TRAPPC10: variants seen among roughly 807,000 people sequenced by gnomAD.
The protein encoded by TRAPPC10 is trafficking protein particle complex subunit 10.
A neutral mutation model predicts 125.5 loss-of-function variants in TRAPPC10; 23 were observed. The observed-to-expected ratio is 0.18, with a 90% CI of 0.13 to 0.26. The LOEUF (loss-of-function observed/expected upper bound fraction) is 0.26, where lower values mean the gene tolerates loss of function less well. TRAPPC10 is among the 10% of genes least tolerant of loss of function. The pLI, the probability that TRAPPC10 is intolerant of heterozygous loss-of-function variation, is 1.00. For missense variants in TRAPPC10, 1,123 were observed against 1,308.4 expected (o/e 0.86, Z 2.19); for synonymous variants, 509 against 518.0 (o/e 0.98, Z 0.24).
chr21:44,051,020 C>T (rs889525383), intron 3 of TRAPPC10, among the ~76,000 whole-genome samples: 1 of 152,222 alleles, frequency 6.6e-6, no homozygotes, highest in South Asian at 2.1e-4. Flanking sequence ...TCCCCTGCCT[C>T]AGCCTCCTGA....
chr21:44,079,861 A>AT (rs1483788826), intron 12 of TRAPPC10, 154 bp from the exon 13 acceptor site: 8 of 1,082,760 alleles, frequency 7.4e-6, no homozygotes, highest in South Asian at 4.8e-5. Context: ...TGTCTAGTCG[A>AT]TTTTTTATAA....
intron 3 of TRAPPC10, among the ~76,000 whole-genome samples, chr21:44,038,506 A>T (rs1266601574): frequency 6.6e-6 from 1 of 150,614 alleles, no homozygotes; most frequent in Non-Finnish European, 1.5e-5. Flanking sequence ...GCGCCCCGTG[A>T]CTCTCCGTGG....
rs1198185512 is a variant in TRAPPC10 at position 44,049,414 on chromosome 21, C to T, written c.286-2866C>T. Among the ~76,000 whole-genome samples the T allele has an allele frequency of 4.6e-5, 7 of 152,194 alleles. No homozygotes were observed. The East Asian group carries it at 1.3e-3, about 29-fold the overall frequency. On this transcript the variant is annotated intron_variant, in intron 3 of 22. Transcript: ENST00000291574. ...ATCCTCCTGTCACTGCTGCTCTGCT[C>T]CCAGCAGGTGGATGCCCATTCCCAC...
At position 44,013,505 on chromosome 21, in the gene TRAPPC10, CTG is replaced by C. The variant is rs1307697486; in HGVS notation, c.67+947_67+948del. The stretch of plus-strand genomic sequence containing the variant: ...TTCGTGCTTGGAAAGGAAGCACTCT[CTG>C]TTGCAAAATCTGGGTGCCCAGGCCA... On this transcript the variant is annotated intron_variant, in intron 1 of 22. Transcript: ENST00000291574. 5.3e-5 allele frequency among the ~76,000 whole-genome samples: 8 copies of C among 152,312 alleles called. 1 individual carries two copies. The highest frequency in any genetic ancestry group is 1.4e-4 in the African/African-American group (6 of 41,558).
chr21:44,082,332 C>A lies in TRAPPC10; in HGVS notation c.1724-456C>A, dbSNP rs965085008. 6.6e-6 allele frequency among the ~76,000 whole-genome samples: 1 copy of A among 152,148 alleles called. No homozygotes were observed. The highest frequency in any genetic ancestry group is 2.4e-5 in the African/African-American group (1 of 41,424). Reference sequence around the variant, plus strand: ...GGGGCACAGAGGGGTCCTGCTTAATCGGCTGACTTTGTAGACTGGCAGACA... The same window carrying A: ...GGGGCACAGAGGGGTCCTGCTTAATAGGCTGACTTTGTAGACTGGCAGACA... On this transcript the variant is annotated intron_variant, in intron 13 of 22. Coordinates refer to ENST00000291574, the MANE Select transcript of TRAPPC10 (RefSeq NM_003274.5). This position sits in a 1 kb window ranked among gnomAD's most constrained non-coding sequence, Gnocchi z 4.4.
At chr21:44,090,919 G>A (rs1033629873) in intron 18 of TRAPPC10, among the ~76,000 whole-genome samples, 1 of 152,124 alleles carries the variant, frequency 6.6e-6, no homozygotes, top group African/African-American at 2.4e-5. Context: ...TCAGCCGGGC[G>A]TGGTGGCTCA....
At chr21:44,015,111 C>T (rs1206438149) in intron 1 of TRAPPC10, among the ~76,000 whole-genome samples, 2 of 152,160 alleles carry the variant, frequency 1.3e-5, no homozygotes, top group Non-Finnish European at 2.9e-5. Context: ...TAGTAGGCAA[C>T]ATTTTTGTTT....
chr21:44,088,936 T>TC (rs1272419017), intron 17 of TRAPPC10: 3 of 136,312 alleles, frequency 2.2e-5, no homozygotes, highest in African/African-American at 1.0e-4. Context: ...ATCCCACTCT[T>TC]CTCTGGCGCT....
chr21:44,065,910 A>G (rs1042175341), intron 7 of TRAPPC10, among the ~76,000 whole-genome samples: 3 of 152,162 alleles, frequency 2.0e-5, no homozygotes, highest in African/African-American at 7.2e-5. Context: ...TGTGTCGCCC[A>G]GGCTGGTCTG....
intron 13 of TRAPPC10, among the ~76,000 whole-genome samples, chr21:44,081,510 T>C (rs951591085): frequency 6.6e-5 from 10 of 152,152 alleles, no homozygotes; most frequent in Non-Finnish European, 1.0e-4. Context: ...AACCCCATAC[T>C]GTAATCCCCA....
rs1325353569 is a variant in TRAPPC10 at position 44,087,677 on chromosome 21, T to G, written c.2540-22T>G. 1.9e-6 allele frequency: 3 copies of G among 1,606,248 alleles called. No individual in the cohort carries two copies. The highest frequency in any genetic ancestry group is 1.3e-5 in the African/African-American group (1 of 74,988). On this transcript the variant is annotated intron_variant, in intron 16 of 22. Transcript: ENST00000291574. This position sits in a 1 kb window ranked among gnomAD's most constrained non-coding sequence, Gnocchi z 4.6. The stretch of plus-strand genomic sequence containing the variant: ...TGAAACCGAGGGAACAGCTTTGAAG[T>G]GACTTTTTCTGTCCTTCGTAGAACA...
intron 7 of TRAPPC10, among the ~76,000 whole-genome samples, chr21:44,066,895 G>C (rs1426981877): frequency 3.3e-5 from 5 of 152,314 alleles, no homozygotes; most frequent in Admixed American, 2.6e-4. Context: ...AGTGATGCCT[G>C]TTTTCCTGCA....
At chr21:44,056,518 C>T (rs1337360671) in intron 5 of TRAPPC10, among the ~76,000 whole-genome samples, 1 of 152,208 alleles carries the variant, frequency 6.6e-6, no homozygotes, top group Non-Finnish European at 1.5e-5. Context: ...AAGGCCGCTT[C>T]TGCCCATGAG....
chr21:44,055,634 G>A, intron 4 of TRAPPC10, 64 bp from the exon 5 acceptor site: 1 of 1,305,996 alleles, frequency 7.7e-7, no homozygotes, highest in Non-Finnish European at 1.0e-6. Flanking sequence ...GACAATGGCA[G>A]CTGCTGAGTC....
intron 19 of TRAPPC10, among the ~76,000 whole-genome samples, chr21:44,092,837 C>G (rs2038680488): frequency 2.0e-5 from 3 of 152,116 alleles, no homozygotes; most frequent in Admixed American, 1.3e-4. Flanking sequence ...GTTCTTGTCG[C>G]CCAGGCTGGA....
chr21:44,063,565 G>A lies in TRAPPC10; in HGVS notation c.818G>A (p.Cys273Tyr), dbSNP rs773563707. Residue 273 changes from cysteine to tyrosine, a missense_variant, in exon 7 of 23, where the codon TGC (cysteine) becomes TAC (tyrosine). Transcript: ENST00000291574. The surrounding 1 kb of genome is among the most constrained non-coding windows in gnomAD (Gnocchi z 4.4). Reference protein sequence around the residue: ...GDGANWLTFFCQPVKSWNGLI... With the variant: ...GDGANWLTFFYQPVKSWNGLI... ...GGTGCCAACTGGCTGACTTTTTTCT[G>A]CCAGCCAGTGAAGAGCTGGAACGGA... 35 of 1,613,950 alleles carry A rather than the reference G, an allele frequency of 2.2e-5. No individual in the cohort carries two copies. The East Asian group carries it at 7.6e-4, about 35-fold the overall frequency.
chr21:44,079,492 G>C (rs531598339), intron 11 of TRAPPC10, 72 bp from the exon 12 acceptor site: 21 of 1,519,590 alleles, frequency 1.4e-5, no homozygotes, highest in Non-Finnish European at 6.1e-6. Flanking sequence ...AGGCCAAAGC[G>C]GGAGAGATGG....
At chr21:44,070,155 G>C (rs1206089820) in intron 7 of TRAPPC10, among the ~76,000 whole-genome samples, 1 of 152,112 alleles carries the variant, frequency 6.6e-6, no homozygotes, top group Non-Finnish European at 1.5e-5. Context: ...GTTCACCTAG[G>C]ACTCATGTAC....
Position 44,091,992 on chromosome 21 carries a change from A to C in TRAPPC10, c.2940A>C (p.Val980=), listed in dbSNP as rs2038612654. 6.2e-7 allele frequency: 1 copy of C among 1,614,094 alleles called. No homozygotes were observed. Among genetic ancestry groups the C allele is most frequent in the African/African-American group, 1.3e-5 (1 of 74,950 alleles). The change falls in exon 19 of 23, where the codon GTA becomes GTC. Residue 980 remains valine, a synonymous_variant. Transcript: ENST00000291574. The part of the protein sequence containing the change: ...LDFQLSDSYL[V]DTGDSTDLQL... Reference sequence around the variant, plus strand: ...TTCAGCTGTCAGATAGTTATCTTGTAGATACCGGTGATAGTACCGACCTGC... The same window carrying C: ...TTCAGCTGTCAGATAGTTATCTTGTCGATACCGGTGATAGTACCGACCTGC...
Sources: allele counts gnomAD v4.1 joint callset (sites outside exome capture counted in the v4.1 genomes callset), GRCh38; gene constraint gnomAD v4.1.1; non-coding constraint Gnocchi (gnomAD v3.1); transcripts MANE v1.5; gene names NCBI Gene and HGNC (gene_info 2026-07-23, HGNC 2026-07-21).